The following ASS1 variants were observed in gnomAD, a reference collection of about 807,000 sequenced individuals.
ASS1 encodes the protein argininosuccinate synthase.
In ASS1, 58 loss-of-function variants were observed where a neutral mutation model predicts 60.5. The observed-to-expected ratio is 0.96, with a 90% confidence interval of 0.78 to 1.19. ASS1 has a LOEUF of 1.19. Among genes scored for constraint, ASS1 ranks in the 50% most tolerant of loss-of-function variants. The pLI is 0.00. For synonymous variants in ASS1, 200 were observed against 206.9 expected (o/e 0.97, Z 0.29); for missense variants, 454 against 547.3 (o/e 0.83, Z 1.70).
chr9:130,454,339 C>A lies in ASS1; in HGVS notation c.140C>A (p.Ala47Asp), dbSNP rs1301161301. The A allele has an allele frequency of 6.2e-7, 1 of 1,613,252 alleles. No homozygotes were observed. Among genetic ancestry groups the A allele is most frequent in the African/African-American group, 1.3e-5 (1 of 74,900 alleles). ...GGCCAGAAGGAAGACTTCGAGGAAG[C>A]CAGGAAGAAGGCACTGAAGCTTGGG... ...NIGQKEDFEE[A>D]RKKALKLGAK... Residue 47 changes from alanine (A) to aspartate (D), a missense_variant, in exon 3 of 15, where the codon GCC (alanine) becomes GAC (aspartate). Coordinates refer to ENST00000352480, the MANE Select transcript of ASS1 (RefSeq NM_054012.4).
At position 130,478,969 on chromosome 9, in the gene ASS1, G is replaced by T. The variant is rs1846092486; in HGVS notation, c.689-747G>T. On this transcript the variant is annotated intron_variant, in intron 9 of 14. Coordinates refer to ENST00000352480, the MANE Select transcript of ASS1 (RefSeq NM_054012.4). The surrounding 1 kb of genome is among the most constrained non-coding windows in gnomAD (Gnocchi z 4.7). ...AGCCGGGCAGATGGGTGGGGGATTA[G>T]CCGCCAACTTTGAACAGCTTTTCTT... Among the ~76,000 whole-genome samples the T allele has an allele frequency of 6.6e-6, 1 of 152,160 alleles. No homozygotes were observed. The highest frequency in any genetic ancestry group is 1.5e-5 in the Non-Finnish European group (1 of 68,018).
chr9:130,463,047 C>G (rs1845641285), intron 4 of ASS1, among the ~76,000 whole-genome samples: 1 of 152,224 alleles, frequency 6.6e-6, no homozygotes, highest in South Asian at 2.1e-4. Flanking sequence ...TGAGGCCAGC[C>G]CAAGGCCTGT....
In ASS1 at chr9:130,452,293, T is replaced by G. The variant is rs912037125; in HGVS notation, c.65T>G (p.Val22Gly). The G allele has an allele frequency of 2.3e-5, 37 of 1,613,996 alleles. No individual in the cohort carries two copies. Among genetic ancestry groups the G allele is most frequent in the Non-Finnish European group, 3.1e-5 (37 of 1,180,016 alleles). ...GGCCTGGACACCTCGTGCATCCTCGTGTGGCTGAAGGAACAAGGCTATGAC... is the reference window on the plus strand; with the variant it reads ...GGCCTGGACACCTCGTGCATCCTCGGGTGGCTGAAGGAACAAGGCTATGAC... Reference protein sequence around the residue: ...SGGLDTSCILVWLKEQGYDVI... With the variant: ...SGGLDTSCILGWLKEQGYDVI... Residue 22 changes from valine to glycine, a missense_variant, in exon 2 of 15, where the codon GTG becomes GGG. Coordinates refer to ENST00000352480, the MANE Select transcript of ASS1 (RefSeq NM_054012.4).
In ASS1 at chr9:130,470,175, A is replaced by C. The variant is rs1318267433; in HGVS notation, c.496-659A>C. On this transcript the variant is annotated intron_variant, in intron 6 of 14. Coordinates refer to ENST00000352480, the MANE Select transcript of ASS1 (RefSeq NM_054012.4). The surrounding 1 kb of genome is among the most constrained non-coding windows in gnomAD (Gnocchi z 4.3). ...TCCATGCGTGACCTGCAGCCCTCTT[A>C]GCCTGGGCCTCCTGGGCAGAGGTGG... Among the ~76,000 whole-genome samples, 5 of 152,154 alleles carry C rather than the reference A, an allele frequency of 3.3e-5. No homozygotes were observed. The highest frequency in any genetic ancestry group is 1.2e-4 in the African/African-American group (5 of 41,416).
chr9:130,466,890 T>C, intron 6 of ASS1, 91 bp downstream of exon 6: 1 of 1,446,730 alleles, frequency 6.9e-7, no homozygotes, highest in Non-Finnish European at 9.6e-7. Context: ...GCCAGTGGCC[T>C]AGGCCGGGAC....
intron 1 of ASS1, among the ~76,000 whole-genome samples, chr9:130,448,418 G>A (rs957694601): frequency 2.1e-4 from 12 of 56,638 alleles, no homozygotes; most frequent in Non-Finnish European, 3.9e-4. Flanking sequence ...AGGTGTGTGC[G>A]CGCGCACACA....
chr9:130,471,024 A>C, intron 7 of ASS1, 120 bp downstream of exon 7: 1 of 1,176,746 alleles, frequency 8.5e-7, no homozygotes, highest in Non-Finnish European at 1.3e-6. Context: ...CGGGGAGCTG[A>C]GAGGCCTCAG....
Position 130,489,859 on chromosome 9 carries a change from TG to T in ASS1, c.970+396del. Among the ~76,000 whole-genome samples, 1 of 152,220 alleles carries T rather than the reference TG, an allele frequency of 6.6e-6. No homozygotes were observed. On this transcript the variant is annotated intron_variant, in intron 12 of 14. Coordinates refer to ENST00000352480, the MANE Select transcript of ASS1 (RefSeq NM_054012.4). The surrounding 1 kb of genome is among the most constrained non-coding windows in gnomAD (Gnocchi z 4.1). ...TGCAGCTCCTTGTACACGAGGAAAC[TG>T]AGGCTCAGAAGGAAAGCATAAAACC...
intron 12 of ASS1, among the ~76,000 whole-genome samples, chr9:130,493,512 G>A (rs944412744): frequency 2.0e-5 from 3 of 151,864 alleles, no homozygotes; most frequent in Non-Finnish European, 2.9e-5. Flanking sequence ...GCCCTCCCCC[G>A]CCTCTGCAAG....
intron 12 of ASS1, among the ~76,000 whole-genome samples, chr9:130,493,536 T>A (rs1409685262): frequency 6.6e-6 from 1 of 151,900 alleles, no homozygotes; most frequent in Non-Finnish European, 1.5e-5. Context: ...CAGGACCCCA[T>A]CCCAGAAGCC....
intron 2 of ASS1, among the ~76,000 whole-genome samples, chr9:130,452,960 C>G (rs191753271): frequency 6.6e-6 from 1 of 152,320 alleles, no homozygotes; most frequent in African/African-American, 2.4e-5. Context: ...GAACTCAAAC[C>G]AACTTACGCA....
chr9:130,448,409 GGT>G (rs568268746), intron 1 of ASS1, among the ~76,000 whole-genome samples: 7 of 106,190 alleles, frequency 6.6e-5, no homozygotes, highest in East Asian at 3.3e-4. Context: ...GGTGCACACA[GGT>G]GTGTGCGCGC....
chr9:130,446,391 C>T (rs13440219), intron 1 of ASS1, among the ~76,000 whole-genome samples: 4,805 of 152,214 alleles, frequency 0.032, 265 homozygotes, highest in African/African-American at 0.11. Flanking sequence ...CTCCCTCTCC[C>T]TCCCAGACCC....
At chr9:130,475,366 C>T (rs1486655010) in intron 8 of ASS1, among the ~76,000 whole-genome samples, 1 of 152,178 alleles carries the variant, frequency 6.6e-6, no homozygotes, top group African/African-American at 2.4e-5. Context: ...ATATATACTA[C>T]TTAAATTGTA....
At chr9:130,480,879 T>G (rs1368673889) in intron 11 of ASS1, among the ~76,000 whole-genome samples, 1 of 152,198 alleles carries the variant, frequency 6.6e-6, no homozygotes, top group Non-Finnish European at 1.5e-5. Context: ...GCGCTGTGGC[T>G]GCACAGGCAC....
chr9:130,479,824 GCCTCTTGGGAA>G (rs1564155946), intron 10 of ASS1, 24 bp downstream of exon 10: 1 of 1,607,884 alleles, frequency 6.2e-7, no homozygotes, highest in Non-Finnish European at 8.5e-7. Context: ...GCCCTGTCCG[GCCTCTTGGGAA>G]CCGCCGTCTC....
chr9:130,483,567 A>AG (rs1846221824), intron 11 of ASS1, among the ~76,000 whole-genome samples: 1 of 142,974 alleles, frequency 7.0e-6, no homozygotes. Context: ...GGGGAGGAGA[A>AG]GGGGGGCAAG....
At chr9:130,449,680 G>A (rs906993224) in intron 1 of ASS1, among the ~76,000 whole-genome samples, 6 of 152,142 alleles carry the variant, frequency 3.9e-5, no homozygotes, top group Admixed American at 2.6e-4. Context: ...CAAACGAGAT[G>A]CAGGGCAAGT....
rs1845611241 is a variant in ASS1, at chr9:130,462,136, T to G, written c.364-1975T>G. 5.3e-5 allele frequency among the ~76,000 whole-genome samples: 8 copies of G among 152,082 alleles called. No individual in the cohort carries two copies. The South Asian group carries it at 1.7e-3, about 32-fold the overall frequency. ...GCTGCACCGAAGCTGGGGTGGCCCT[T>G]GCGGGGCTCCTCTCTCCCCCTAGTT... On this transcript the variant is annotated intron_variant, in intron 4 of 14. Coordinates refer to ENST00000352480, the MANE Select transcript of ASS1 (RefSeq NM_054012.4).
Sources: allele counts gnomAD v4.1 joint callset (sites outside exome capture counted in the v4.1 genomes callset), GRCh38; gene constraint gnomAD v4.1.1; non-coding constraint Gnocchi (gnomAD v3.1); transcripts MANE v1.5; gene names NCBI Gene and HGNC (gene_info 2026-07-23, HGNC 2026-07-21).